The following IFIH1 variants were observed in gnomAD, a reference collection of about 807,000 sequenced individuals.
The protein encoded by IFIH1 is interferon induced with helicase C domain 1.
A neutral mutation model predicts 107.4 loss-of-function variants in IFIH1; 125 were observed. That is an observed-to-expected ratio of 1.16 (90% CI 1.01 to 1.35). The LOEUF is 1.35. Among genes scored for constraint, IFIH1 ranks in the 40% most tolerant of loss-of-function variants. The probability of loss-of-function intolerance (pLI) is 0.00; values close to 1 mark genes in which losing one functional copy is unlikely to be tolerated. For missense variants in IFIH1, 1,333 were observed against 1,213.7 expected (o/e 1.10, Z -1.46); for synonymous variants, 458 against 413.2 (o/e 1.11, Z -1.31).
At chr2:162,295,213 A>G (rs1209255233) in intron 3 of IFIH1, among the ~76,000 whole-genome samples, 3 of 152,010 alleles carry the variant, frequency 2.0e-5, no homozygotes. Context: ...TCTGTTCCAC[A>G]TCAGACAACC....
At chr2:162,309,969 C>G (rs558724981) in intron 2 of IFIH1, among the ~76,000 whole-genome samples, 1 of 152,202 alleles carries the variant, frequency 6.6e-6, no homozygotes, top group South Asian at 2.1e-4. Context: ...TCTCTGTGAC[C>G]TCACCAGAAT....
intron 1 of IFIH1, among the ~76,000 whole-genome samples, chr2:162,311,216 C>A (rs1368674450): frequency 6.6e-6 from 1 of 152,020 alleles, no homozygotes; most frequent in African/African-American, 2.4e-5. Context: ...TCAAACCTGA[C>A]ACCTAGAAAA....
intron 1 of IFIH1, among the ~76,000 whole-genome samples, chr2:162,313,651 T>C (rs1683420928): frequency 6.6e-6 from 1 of 152,176 alleles, no homozygotes; most frequent in Non-Finnish European, 1.5e-5. Context: ...TTAAATATAA[T>C]GGTGATTTTT....
At position 162,277,437 on chromosome 2, in the gene IFIH1, T is replaced by C. The variant is rs1682712933; in HGVS notation, c.2022A>G (p.Arg674=). 1.2e-6 allele frequency: 2 copies of C among 1,608,358 alleles called. No homozygotes were observed. The highest frequency in any genetic ancestry group is 1.7e-6 in the Non-Finnish European group (2 of 1,176,420). ...TACCAAAAAATAAAGTCATGAGAAA[T>C]CTATCTGTTTCATCCAGTTTCAAAG... is the stretch of plus-strand genomic sequence containing the variant. The part of the protein sequence containing the change: ...KKPLKLDETD[R]FLMTLFFENN... Residue 674 remains arginine (R), a synonymous_variant, in exon 10 of 16, where the codon AGA becomes AGG. Coordinates refer to ENST00000649979, the MANE Select transcript of IFIH1 (RefSeq NM_022168.4).
chr2:162,315,391 C>T (rs544615763), intron 1 of IFIH1, among the ~76,000 whole-genome samples: 1 of 152,118 alleles, frequency 6.6e-6, no homozygotes, highest in East Asian at 1.9e-4. Flanking sequence ...TTTTTCAAAT[C>T]AGTATAATCT....
At chr2:162,278,882 G>A (rs1033332828) in intron 8 of IFIH1, among the ~76,000 whole-genome samples, 1 of 152,006 alleles carries the variant, frequency 6.6e-6, no homozygotes, top group African/African-American at 2.4e-5. Flanking sequence ...TGACTGGAAG[G>A]GGGAGCCAGG....
chr2:162,268,150 C>T lies in IFIH1; in HGVS notation c.2744G>A (p.Cys915Tyr). 1.9e-6 allele frequency: 3 copies of T among 1,611,258 alleles called. No individual in the cohort carries two copies. The highest frequency in any genetic ancestry group is 1.3e-5 in the African/African-American group (1 of 74,924). Residue 915 changes from cysteine to tyrosine, a missense_variant, in exon 14 of 16, where the codon TGT becomes TAT. Coordinates refer to ENST00000649979, the MANE Select transcript of IFIH1 (RefSeq NM_022168.4). ...FLCKNCSVLA[C>Y]SGEDIHVIEK... ...AATTACATGGATATCTTCCCCAGAACAGGCTAGCACACTGCAGTTTTTGCA... is the reference window on the plus strand; with the variant it reads ...AATTACATGGATATCTTCCCCAGAATAGGCTAGCACACTGCAGTTTTTGCA...
At chr2:162,269,664 T>A (rs1220267478) in intron 13 of IFIH1, among the ~76,000 whole-genome samples, 1 of 152,168 alleles carries the variant, frequency 6.6e-6, no homozygotes, top group Non-Finnish European at 1.5e-5. Context: ...TATATTAAAT[T>A]ATGGAAGAAT....
In IFIH1 at chr2:162,293,572, C is replaced by T; in HGVS notation, c.866G>A (p.Ser289Asn). ...CAACAGTTAGGCAGTACCTGAATCA[C>T]TTCCCATGGTGCCTGAATCACTGCC... The part of the protein sequence containing the change: ...NMGSDSGTMG[S>N]DSDEENVAAR... The change falls in exon 4 of 16, where the codon AGT becomes AAT. Residue 289 changes from serine (S) to asparagine (N), a missense_variant. Transcript: ENST00000649979. 1 of 1,606,680 alleles carries T rather than the reference C, an allele frequency of 6.2e-7. No individual in the cohort carries two copies.
intron 13 of IFIH1, among the ~76,000 whole-genome samples, chr2:162,269,697 G>C (rs1476856080): frequency 6.6e-6 from 1 of 152,132 alleles, no homozygotes; most frequent in Non-Finnish European, 1.5e-5. Context: ...TTAAGACCGA[G>C]GGAGAAATTT....
At chr2:162,309,545 C>T (rs116212143) in intron 2 of IFIH1, among the ~76,000 whole-genome samples, 1 of 152,302 alleles carries the variant, frequency 6.6e-6, no homozygotes, top group African/African-American at 2.4e-5. Flanking sequence ...TTCTGTCCTG[C>T]TTTCTCTGTC....
In IFIH1 at chr2:162,274,013, G is replaced by GAAATAATAAATTGCAACTGGTCAGTGT. The variant is rs2105193943; in HGVS notation, c.2305-96_2305-70dup. On this transcript the variant is annotated intron_variant, in intron 11 of 15. Coordinates refer to ENST00000649979, the MANE Select transcript of IFIH1 (RefSeq NM_022168.4). ...CATTAAAATCTTCTAATTAGAGGAA[G>GAAATAATAAATTGCAACTGGTCAGTGT]AAATAATAAATTGCAACTGGTCAGT... The GAAATAATAAATTGCAACTGGTCAGTGT allele has an allele frequency of 6.5e-6, 7 of 1,083,606 alleles. No homozygotes were observed. The East Asian group carries it at 1.8e-4, about 28-fold the overall frequency. 67.1% of individuals were successfully genotyped at this position (1,083,606 alleles called of 1,614,324 possible).
rs777280046 is a variant in IFIH1, at chr2:162,276,943, T to A, written c.2048A>T (p.Asn683Ile). The part of the protein sequence containing the change: ...DRFLMTLFFE[N>I]NKMLKRLAEN... ...AGCCAGCCTTTTCAACATTTTATTG[T>A]TTTCTTTAAGAAATAATTAGAGTTG... is the stretch of plus-strand genomic sequence containing the variant. Residue 683 changes from asparagine (N) to isoleucine (I), a missense_variant, in exon 11 of 16, where the codon AAC (asparagine) becomes ATC (isoleucine). Transcript: ENST00000649979. 4 of 1,595,216 alleles carry A rather than the reference T, an allele frequency of 2.5e-6. No homozygotes were observed. The South Asian group carries it at 3.4e-5, about 14-fold the overall frequency.
chr2:162,306,957 A>G (rs1246328563), intron 2 of IFIH1, 102 bp from the exon 3 acceptor site: 1 of 955,054 alleles, frequency 1.0e-6, no homozygotes, highest in Non-Finnish European at 1.6e-6. Context: ...AGAGGTTCCT[A>G]ATAGAGATTG....
intron 1 of IFIH1, among the ~76,000 whole-genome samples, chr2:162,315,080 A>G: frequency 6.6e-6 from 1 of 152,232 alleles, no homozygotes; most frequent in East Asian, 1.9e-4. Context: ...GATCAAGTAG[A>G]AAATGTCTAT....
intron 11 of IFIH1, among the ~76,000 whole-genome samples, chr2:162,274,670 T>C (rs1691116639): frequency 3.3e-5 from 5 of 152,162 alleles, no homozygotes; most frequent in Admixed American, 3.3e-4. Context: ...AAAGTCAATA[T>C]AAATAAATTA....
intron 3 of IFIH1, 138 bp from the exon 4 acceptor site, chr2:162,293,806 G>T: frequency 1.8e-6 from 1 of 549,788 alleles, no homozygotes; most frequent in Non-Finnish European, 3.2e-6. Context: ...ATGAATAAAA[G>T]GTAAGCGCTT....
Position 162,317,837 on chromosome 2 carries a change from A to G in IFIH1, c.453+18T>C. 6.5e-7 allele frequency: 1 copy of G among 1,544,836 alleles called. No individual in the cohort carries two copies. The highest frequency in any genetic ancestry group is 8.7e-7 in the Non-Finnish European group (1 of 1,147,542). On this transcript the variant is annotated intron_variant, in intron 1 of 15. Transcript: ENST00000649979. ...AAAATCTGCCTAAAAGGCTAGCTCC[A>G]TCTGAACAGACACCTACCCGGTTTC...
At chr2:162,314,839 C>T (rs991801293) in intron 1 of IFIH1, among the ~76,000 whole-genome samples, 1 of 152,058 alleles carries the variant, frequency 6.6e-6, no homozygotes, top group Non-Finnish European at 1.5e-5. Context: ...CACAACTTCA[C>T]GAAAGGACAA....
Sources: gnomAD v4.1 joint callset for allele counts (sites outside exome capture counted in the v4.1 genomes callset) on GRCh38, gnomAD v4.1.1 for gene constraint, MANE v1.5 for transcripts, NCBI Gene and HGNC (gene_info 2026-07-23, HGNC 2026-07-21) for gene names.